Variants in DENND2B observed in about 807,000 individuals in gnomAD.
The protein encoded by DENND2B is DENN domain-containing protein 2B.
Under a neutral mutation model 116.0 loss-of-function variants are expected in DENND2B, and 32 were observed. The observed-to-expected ratio is 0.28, with a 90% CI of 0.21 to 0.37. The LOEUF is 0.37. DENND2B is among the 10% of genes least tolerant of loss of function. DENND2B has a pLI of 1.00. For synonymous variants in DENND2B, 588 were observed against 583.9 expected, an observed-to-expected ratio of 1.01 and a Z score of -0.10; for missense variants, 1,276 against 1,477.7, an observed-to-expected ratio of 0.86 and a Z score of 2.24.
Position 8,898,286 on chromosome 11 carries a change from A to G in DENND2B, c.-256+12535T>C, listed in dbSNP as rs138506179. On this transcript the variant is annotated intron_variant, in intron 1 of 22. Coordinates refer to the DENND2B transcript ENST00000534127. Reference sequence around the variant, plus strand: ...ACACATCTGTAGTCCCAGCTACTCAAGAGGCTGAGGAGGGACAACTGCTTC... The same window carrying G: ...ACACATCTGTAGTCCCAGCTACTCAGGAGGCTGAGGAGGGACAACTGCTTC... Among the ~76,000 whole-genome samples the G allele has an allele frequency of 9.1e-3, 1,386 of 152,300 alleles. 5 individuals are homozygous for G. Among genetic ancestry groups the G allele is most frequent in the Middle Eastern group, 0.031 (9 of 294 alleles).
chr11:8,693,966 GGT>G lies in DENND2B; in HGVS notation c.*128_*129del. On this transcript the variant is annotated 3_prime_UTR_variant, in exon 20 of 20. Transcript: ENST00000313726. ...TATCCTGGGATATGATGAAGGCAGA[GGT>G]GGGCTGGCTTGGAGGATAGGATCTG... 1.1e-6 allele frequency: 1 copy of G among 872,630 alleles called. No homozygotes were observed. Among genetic ancestry groups the G allele is most frequent in the South Asian group, 1.7e-5 (1 of 59,824 alleles). 54.1% of individuals were successfully genotyped at this position (872,630 alleles called of 1,614,324 possible).
chr11:8,740,707 G>A (rs1045016842), intron 2 of DENND2B, among the ~76,000 whole-genome samples: 1 of 152,124 alleles, frequency 6.6e-6, no homozygotes, highest in Non-Finnish European at 1.5e-5. Context: ...TCCCTACTAA[G>A]CAATGTCTAG....
At chr11:8,802,668 A>C (rs1237642963) in intron 1 of DENND2B, among the ~76,000 whole-genome samples, 1 of 152,160 alleles carries the variant, frequency 6.6e-6, no homozygotes, top group Non-Finnish European at 1.5e-5. Context: ...TCTAAAGGAG[A>C]GGGGATTGCT....
Position 8,857,596 on chromosome 11 carries a change from C to G in DENND2B, c.-249-160G>C, listed in dbSNP as rs911424653. ...TATAAACCTGCTGATTCCAATAGACCACCTATTTCCAGCCCATACAAGCCA... is the reference window on the plus strand; with the variant it reads ...TATAAACCTGCTGATTCCAATAGACGACCTATTTCCAGCCCATACAAGCCA... On this transcript the variant is annotated intron_variant, in intron 2 of 6. Transcript: ENST00000524757. Among the ~76,000 whole-genome samples, 5 of 152,168 alleles carry G rather than the reference C, an allele frequency of 3.3e-5. No individual in the cohort carries two copies. In the South Asian group the frequency reaches 1.0e-3, roughly 32 times the overall value.
intron 2 of DENND2B, among the ~76,000 whole-genome samples, chr11:8,863,891 A>T (rs1470564557): frequency 6.6e-6 from 1 of 152,138 alleles, no homozygotes; most frequent in Non-Finnish European, 1.5e-5. Flanking sequence ...CCAGTAGAAG[A>T]AGCCTTTTGG....
At chr11:8,711,077 A>G in intron 10 of DENND2B, 45 bp downstream of exon 10, 1 of 1,602,102 alleles carries the variant, frequency 6.2e-7, no homozygotes, top group Non-Finnish European at 8.6e-7. Context: ...TATGGGGGTA[A>G]AGAAGGCTAT....
At chr11:8,834,343 C>A (rs542125425) in intron 4 of DENND2B, among the ~76,000 whole-genome samples, 1 of 152,328 alleles carries the variant, frequency 6.6e-6, no homozygotes, top group African/African-American at 2.4e-5. Flanking sequence ...AAATTAGACG[C>A]TTTCCATCCT....
At chr11:8,774,399 C>A in intron 1 of DENND2B, 1 of 888,778 alleles carries the variant, frequency 1.1e-6, no homozygotes, top group Non-Finnish European at 1.3e-6. Flanking sequence ...TCCCTTCCTC[C>A]ATTAGAATCT....
At chr11:8,715,299 C>T (rs2044531387) in intron 6 of DENND2B, among the ~76,000 whole-genome samples, 1 of 152,164 alleles carries the variant, frequency 6.6e-6, no homozygotes, top group African/African-American at 2.4e-5. Context: ...CCTTGAAAGC[C>T]TGGAAATGCT....
At chr11:8,799,206 C>T (rs888958410) in intron 1 of DENND2B, among the ~76,000 whole-genome samples, 1 of 152,198 alleles carries the variant, frequency 6.6e-6, no homozygotes, top group Non-Finnish European at 1.5e-5. Context: ...AATAGCCCTT[C>T]TTACCTCCAA....
rs1593703285 is a variant in DENND2B at position 8,788,067 on chromosome 11, G to T, written c.-26+22450C>A. Among the ~76,000 whole-genome samples, 7 of 152,220 alleles carry T rather than the reference G, an allele frequency of 4.6e-5. 1 individual carries two copies. In the South Asian group the frequency reaches 1.5e-3, roughly 32 times the overall value. On this transcript the variant is annotated intron_variant, in intron 1 of 19. Coordinates refer to ENST00000313726, the MANE Select transcript of DENND2B (RefSeq NM_213618.2). ...CTTTCTAGATGTTTAAGAGGGAAGTGGTCGCCAGCAGCAAGAAAATGCTGG... is the reference window on the plus strand; with the variant it reads ...CTTTCTAGATGTTTAAGAGGGAAGTTGTCGCCAGCAGCAAGAAAATGCTGG...
At chr11:8,723,396 T>C (rs905585659) in intron 4 of DENND2B, among the ~76,000 whole-genome samples, 5 of 152,326 alleles carry the variant, frequency 3.3e-5, no homozygotes, top group South Asian at 4.2e-4. Flanking sequence ...TCAGGATTTT[T>C]TGGGGCAATG....
intron 1 of DENND2B, among the ~76,000 whole-genome samples, chr11:8,901,393 C>T (rs1261646730): frequency 2.6e-5 from 4 of 151,570 alleles, no homozygotes; most frequent in Admixed American, 6.6e-5. Flanking sequence ...CCACATCTGG[C>T]TAATTTTTGT....
chr11:8,764,103 A>G (rs551018660), intron 1 of DENND2B, among the ~76,000 whole-genome samples: 2 of 152,244 alleles, frequency 1.3e-5, no homozygotes, highest in African/African-American at 4.8e-5. Context: ...AGGTGCCTGT[A>G]ATCCTACTCA....
At chr11:8,863,738 T>TA (rs548839793) in intron 2 of DENND2B, among the ~76,000 whole-genome samples, 125 of 152,298 alleles carry the variant, frequency 8.2e-4, no homozygotes, top group Non-Finnish European at 1.5e-3. Flanking sequence ...CAGCACCAAA[T>TA]ACTCATTTGC....
intron 1 of DENND2B, among the ~76,000 whole-genome samples, chr11:8,762,923 T>C (rs1279035010): frequency 6.6e-6 from 1 of 152,130 alleles, no homozygotes; most frequent in African/African-American, 2.4e-5. Flanking sequence ...AATAAGAACT[T>C]TGTTCATTTA....
chr11:8,869,575 T>C (rs890492806), intron 2 of DENND2B, among the ~76,000 whole-genome samples: 1 of 151,862 alleles, frequency 6.6e-6, no homozygotes, highest in Non-Finnish European at 1.5e-5. Context: ...GGCAGGAGAA[T>C]TGCTTGAACC....
At chr11:8,905,216 T>A (rs1448507561) in intron 1 of DENND2B, among the ~76,000 whole-genome samples, 1 of 152,178 alleles carries the variant, frequency 6.6e-6, no homozygotes, top group African/African-American at 2.4e-5. Flanking sequence ...TAGAACATAA[T>A]TTAAAGTCTA....
Position 8,718,266 on chromosome 11 carries a change from C to A in DENND2B, c.1478-374G>T, listed in dbSNP as rs969429311. On this transcript the variant is annotated intron_variant, in intron 4 of 19. Coordinates refer to ENST00000313726, the MANE Select transcript of DENND2B (RefSeq NM_213618.2). ...GGCTCCCTTCCCTCTGCTGCAAACACCCCAGAGATAACACAGTTCAAGGTA... is the reference window on the plus strand; with the variant it reads ...GGCTCCCTTCCCTCTGCTGCAAACAACCCAGAGATAACACAGTTCAAGGTA... 1.1e-5 allele frequency: 13 copies of A among 1,189,216 alleles called. No homozygotes were observed. The African/African-American group carries it at 1.8e-4, about 17-fold the overall frequency. The allele number at this position is 1,189,216 out of a possible 1,614,324, so 73.7% of individuals were successfully genotyped here.
Sources: gnomAD v4.1 joint callset for allele counts (sites outside exome capture counted in the v4.1 genomes callset) on GRCh38, gnomAD v4.1.1 for gene constraint, MANE v1.5 for transcripts, NCBI Gene and HGNC (gene_info 2026-07-23, HGNC 2026-07-21) for gene names.